Variants in DYNC1I1 observed in about 807,000 individuals in gnomAD.
DYNC1I1 encodes the protein dynein cytoplasmic 1 intermediate chain 1, also known as cytoplasmic dynein 1 intermediate chain 1.
In DYNC1I1, 43 loss-of-function variants were observed where a neutral mutation model predicts 86.6. The observed-to-expected ratio is 0.50, with a 90% CI of 0.39 to 0.64. The LOEUF is 0.64. DYNC1I1 is among the 30% of genes least tolerant of loss of function. The pLI, the probability that DYNC1I1 is intolerant of heterozygous loss-of-function variation, is 0.00. For missense variants in DYNC1I1, 604 were observed against 788.8 expected (o/e 0.77, Z 2.81); for synonymous variants, 262 against 283.7 (o/e 0.92, Z 0.77).
chr7:95,964,025 A>G (rs1036720741), intron 6 of DYNC1I1, among the ~76,000 whole-genome samples: 1 of 152,182 alleles, frequency 6.6e-6, no homozygotes, highest in African/African-American at 2.4e-5. Flanking sequence ...ATTTGAGCCA[A>G]TGGGAAAACT....
At chr7:96,047,927 A>G (rs1025166081) in intron 14 of DYNC1I1, among the ~76,000 whole-genome samples, 27 of 152,330 alleles carry the variant, frequency 1.8e-4, no homozygotes, top group African/African-American at 6.5e-4. Context: ...TCAAGTGACC[A>G]TGTCAGGTTT....
Position 96,091,421 on chromosome 7 carries a change from G to A in DYNC1I1, c.1777-6062G>A, listed in dbSNP as rs984255295. Among the ~76,000 whole-genome samples the A allele has an allele frequency of 5.9e-5, 9 of 152,190 alleles. No individual in the cohort carries two copies. In the South Asian group the frequency reaches 6.2e-4, roughly 11 times the overall value. Reference sequence around the variant, plus strand: ...TCATCTAATTGAAAAATTACAAAGAGGCTGATGAGCCACACATCCATGGAA... The same window carrying A: ...TCATCTAATTGAAAAATTACAAAGAAGCTGATGAGCCACACATCCATGGAA... On this transcript the variant is annotated intron_variant, in intron 16 of 16. Transcript: ENST00000447467.
intron 15 of DYNC1I1, among the ~76,000 whole-genome samples, 166 bp downstream of exon 15, chr7:96,076,363 T>C (rs1466816979): frequency 1.3e-5 from 2 of 152,206 alleles, no homozygotes; most frequent in Non-Finnish European, 2.9e-5. Flanking sequence ...AATTGGCAGA[T>C]GCATTGGCCA....
intron 6 of DYNC1I1, among the ~76,000 whole-genome samples, chr7:95,878,993 C>T (rs561320412): frequency 6.7e-6 from 1 of 148,242 alleles, no homozygotes; most frequent in Non-Finnish European, 1.5e-5. Flanking sequence ...CACTACCCAG[C>T]AAAGCTATCT....
At chr7:96,051,704 T>A (rs1789408760) in intron 14 of DYNC1I1, among the ~76,000 whole-genome samples, 2 of 152,232 alleles carry the variant, frequency 1.3e-5, no homozygotes, top group Admixed American at 6.5e-5. Flanking sequence ...AAGCAACTAC[T>A]GTGAAATCAA....
At chr7:96,057,688 G>A (rs1163361093) in intron 14 of DYNC1I1, among the ~76,000 whole-genome samples, 1 of 152,094 alleles carries the variant, frequency 6.6e-6, no homozygotes, top group African/African-American at 2.4e-5. Context: ...TTTCCACTGA[G>A]CTGTAGCTTC....
intron 1 of DYNC1I1, among the ~76,000 whole-genome samples, chr7:95,774,521 G>C (rs1018014453): frequency 1.3e-5 from 2 of 152,042 alleles, no homozygotes; most frequent in African/African-American, 4.8e-5. Flanking sequence ...AAATAAACTC[G>C]ACCCGCAGGA....
At chr7:95,820,569 G>A (rs1795051709) in intron 4 of DYNC1I1, among the ~76,000 whole-genome samples, 1 of 152,196 alleles carries the variant, frequency 6.6e-6, no homozygotes, top group African/African-American at 2.4e-5. Flanking sequence ...GGAAATCTCT[G>A]TATTCTGTCC....
chr7:95,853,853 G>A (rs149571049), intron 5 of DYNC1I1, among the ~76,000 whole-genome samples: 1,914 of 152,196 alleles, frequency 0.013, 20 homozygotes, highest in Non-Finnish European at 0.021. Flanking sequence ...ATTTATAAAT[G>A]TTATGGATAT....
intron 4 of DYNC1I1, among the ~76,000 whole-genome samples, chr7:95,827,794 G>A (rs1244927198): frequency 1.3e-5 from 2 of 152,148 alleles, no homozygotes; most frequent in African/African-American, 4.8e-5. Context: ...AGGGGTGTGT[G>A]TGGAGTTTGA....
chr7:96,062,829 C>T (rs931207019), intron 14 of DYNC1I1, among the ~76,000 whole-genome samples: 11 of 152,234 alleles, frequency 7.2e-5, no homozygotes, highest in South Asian at 6.2e-4. Context: ...CTTTAAACTC[C>T]GGTGCAGAAG....
chr7:95,985,481 A>G (rs184318982), intron 8 of DYNC1I1, among the ~76,000 whole-genome samples: 11 of 152,176 alleles, frequency 7.2e-5, no homozygotes, highest in Non-Finnish European at 1.5e-4. Flanking sequence ...AATATATGTA[A>G]GAATATATTT....
chr7:95,885,470 C>A (rs956369660), intron 6 of DYNC1I1, among the ~76,000 whole-genome samples: 1 of 151,960 alleles, frequency 6.6e-6, no homozygotes, highest in South Asian at 2.1e-4. Context: ...AGCCACCATG[C>A]CCTGCCCTTC....
chr7:95,797,502 A>G (rs1794470201), intron 1 of DYNC1I1, among the ~76,000 whole-genome samples: 2 of 152,242 alleles, frequency 1.3e-5, no homozygotes, highest in African/African-American at 4.8e-5. Context: ...TAATGTGTCA[A>G]TATTTGGAAG....
intron 5 of DYNC1I1, among the ~76,000 whole-genome samples, chr7:95,868,878 G>A (rs1375329779): frequency 6.6e-6 from 1 of 152,114 alleles, no homozygotes; most frequent in Non-Finnish European, 1.5e-5. Flanking sequence ...TAAATGGTGG[G>A]GCTAGGGGTT....
At chr7:96,061,163 G>A (rs1190260158) in intron 14 of DYNC1I1, among the ~76,000 whole-genome samples, 1 of 152,172 alleles carries the variant, frequency 6.6e-6, no homozygotes, top group Non-Finnish European at 1.5e-5. Flanking sequence ...GAATGCAGCC[G>A]ACTGGCTGGA....
At chr7:96,090,104 T>A (rs1790797359) in intron 16 of DYNC1I1, among the ~76,000 whole-genome samples, 1 of 152,144 alleles carries the variant, frequency 6.6e-6, no homozygotes, top group Non-Finnish European at 1.5e-5. Flanking sequence ...GAGAAATAGA[T>A]TGTTCCAAAT....
At chr7:95,969,058 G>C (rs547466499) in intron 6 of DYNC1I1, among the ~76,000 whole-genome samples, 1 of 152,316 alleles carries the variant, frequency 6.6e-6, no homozygotes, top group South Asian at 2.1e-4. Flanking sequence ...AACTTGAGAA[G>C]TGGCTGTGCT....
intron 4 of DYNC1I1, among the ~76,000 whole-genome samples, chr7:95,819,120 A>G (rs1231338953): frequency 6.6e-6 from 1 of 152,140 alleles, no homozygotes; most frequent in East Asian, 1.9e-4. Context: ...TGATGATACA[A>G]AGGGAATGGA....
Sources: gnomAD v4.1 joint callset for allele counts (sites outside exome capture counted in the v4.1 genomes callset) on GRCh38, gnomAD v4.1.1 for gene constraint, MANE v1.5 for transcripts, NCBI Gene and HGNC (gene_info 2026-07-23, HGNC 2026-07-21) for gene names.